The following GRIN2B variants were observed in gnomAD, a reference collection of about 807,000 sequenced individuals.
GRIN2B encodes glutamate receptor ionotropic, NMDA 2B.
In GRIN2B, 5 loss-of-function variants were observed where a neutral mutation model predicts 114.5. The ratio of observed to expected loss-of-function variants is 0.04; its 90% CI spans 0.02 to 0.09. The LOEUF (loss-of-function observed/expected upper bound fraction) is 0.09. GRIN2B is among the 10% of genes least tolerant of loss of function. The pLI, the probability that GRIN2B is intolerant of heterozygous loss-of-function variation, is 1.00. For missense variants in GRIN2B, 1,108 were observed against 1,943.5 expected, an observed-to-expected ratio of 0.57 and a Z score of 8.08; for synonymous variants, 787 against 745.1, an observed-to-expected ratio of 1.06 and a Z score of -0.92.
chr12:13,869,241 C>CTTTTTTTTTTTTT (rs377460231), intron 2 of GRIN2B, among the ~76,000 whole-genome samples: 4 of 127,366 alleles, frequency 3.1e-5, no homozygotes, highest in African/African-American at 6.0e-5. Context: ...CTTTTTTTTT[C>CTTTTTTTTTTTTT]TTTTTTTTTT....
chr12:13,943,428 A>G (rs1229032729), intron 2 of GRIN2B, among the ~76,000 whole-genome samples: 1 of 151,920 alleles, frequency 6.6e-6, no homozygotes, highest in Admixed American at 6.6e-5. Context: ...ATGATGTCAC[A>G]CTCCTACTCA....
rs1420230406 is a variant in GRIN2B, at chr12:13,825,497, TGTGTGTGTG to T, written c.411+40292_411+40300del. Among the ~76,000 whole-genome samples the T allele has an allele frequency of 4.2e-3, 11 of 2,626 alleles. No individual in the cohort carries two copies. The East Asian group carries it at 0.33, about 80-fold the overall frequency. 1.7% of individuals were successfully genotyped at this position (2,626 alleles called of 152,430 possible). On this transcript the variant is annotated intron_variant, in intron 3 of 13. Transcript: ENST00000609686. ...ATATATAATAAATATATATATATTT[TGTGTGTGTG>T]TGTGTGTGTGTGTGTGTGTGTGTGT...
chr12:13,938,397 A>G (rs1487503846), intron 2 of GRIN2B, among the ~76,000 whole-genome samples: 3 of 152,200 alleles, frequency 2.0e-5, no homozygotes, highest in African/African-American at 4.8e-5. Context: ...CTGCAACTAC[A>G]TGATCCAGCA....
At chr12:13,702,641 A>AG (rs1565506162) in intron 4 of GRIN2B, among the ~76,000 whole-genome samples, 3 of 152,192 alleles carry the variant, frequency 2.0e-5, no homozygotes, top group Non-Finnish European at 2.9e-5. Flanking sequence ...TCCATCCCTG[A>AG]GAGCCAGCTC....
intron 10 of GRIN2B, among the ~76,000 whole-genome samples, chr12:13,607,429 T>C (rs1209356467): frequency 1.2e-5 from 1 of 84,684 alleles, no homozygotes; most frequent in Non-Finnish European, 2.1e-5. Flanking sequence ...ATATATTATA[T>C]ATAATATATA....
rs1268346559 is a variant in GRIN2B at position 13,549,970 on chromosome 12, G to A, written c.*12813C>T. 6.6e-6 allele frequency: 1 copy of A among 152,072 alleles called. No homozygotes were observed. The highest frequency in any genetic ancestry group is 1.5e-5 in the Non-Finnish European group (1 of 68,000). The allele number at this position is 152,072 out of a possible 1,614,324, so 9.4% of individuals were successfully genotyped here. A position where few individuals can be genotyped will look rare whatever the true frequency, so the allele number is the denominator to read the frequency against. On this transcript the variant is annotated 3_prime_UTR_variant, in exon 14 of 14. Transcript: ENST00000609686. ...CTAGATGCTGAAAACCTACAGTGGG[G>A]GCAGACAATTCAGGCAGCATTACTC...
intron 5 of GRIN2B, among the ~76,000 whole-genome samples, chr12:13,666,041 A>T (rs1408470674): frequency 6.6e-6 from 1 of 152,208 alleles, no homozygotes; most frequent in Non-Finnish European, 1.5e-5. Context: ...ATCTGACAGC[A>T]AACGCTTGAG....
At chr12:13,713,827 AC>A (rs753168324) in intron 4 of GRIN2B, among the ~76,000 whole-genome samples, 3 of 151,810 alleles carry the variant, frequency 2.0e-5, no homozygotes, top group Non-Finnish European at 2.9e-5. Context: ...ATTATTACCA[AC>A]CACTTAGAGC....
chr12:13,541,062 C>G lies in GRIN2B; in HGVS notation c.*21721G>C, dbSNP rs1948273255. The G allele has an allele frequency of 6.6e-6, 1 of 152,290 alleles. No homozygotes were observed. Among genetic ancestry groups the G allele is most frequent in the Admixed American group, 6.5e-5 (1 of 15,288 alleles). The allele number at this position is 152,290 out of a possible 1,614,324, so 9.4% of individuals were successfully genotyped here. A position where few individuals can be genotyped will look rare whatever the true frequency, so the allele number is the denominator to read the frequency against. On this transcript the variant is annotated 3_prime_UTR_variant, in exon 14 of 14. Transcript: ENST00000609686. The stretch of plus-strand genomic sequence containing the variant: ...CATGTGCACAGGCACACACACGCAT[C>G]AGTCATTGTGGCTAAGTGTAATTCT...
chr12:13,586,693 G>A (rs910030495), intron 10 of GRIN2B, among the ~76,000 whole-genome samples: 6 of 152,172 alleles, frequency 3.9e-5, no homozygotes, highest in African/African-American at 1.2e-4. Context: ...ATACCTGCCC[G>A]ATTTAGATGG....
chr12:13,562,760 C>G lies in GRIN2B; in HGVS notation c.*23G>C. ...CCACAGCCTTACCCTCCCGTACCCACCTTAACCTCTCTGTTCCCTCACTCA... is the reference window on the plus strand; with the variant it reads ...CCACAGCCTTACCCTCCCGTACCCAGCTTAACCTCTCTGTTCCCTCACTCA... On this transcript the variant is annotated 3_prime_UTR_variant, in exon 14 of 14. Transcript: ENST00000609686. 8.7e-6 allele frequency: 14 copies of G among 1,605,036 alleles called. No individual in the cohort carries two copies. Among genetic ancestry groups the G allele is most frequent in the Non-Finnish European group, 1.1e-5 (13 of 1,171,710 alleles).
intron 3 of GRIN2B, among the ~76,000 whole-genome samples, chr12:13,764,088 C>G (rs1051910592): frequency 1.3e-5 from 2 of 151,728 alleles, no homozygotes; most frequent in Non-Finnish European, 2.9e-5. Flanking sequence ...CAGCTCCTAA[C>G]CTGATACAGG....
At chr12:13,863,024 C>T (rs1865773276) in intron 3 of GRIN2B, among the ~76,000 whole-genome samples, 1 of 152,210 alleles carries the variant, frequency 6.6e-6, no homozygotes, top group Non-Finnish European at 1.5e-5. Flanking sequence ...TTTAGAAAAG[C>T]ATCTAAAAGT....
intron 4 of GRIN2B, among the ~76,000 whole-genome samples, chr12:13,706,718 T>C (rs774798217): frequency 2.6e-5 from 4 of 152,124 alleles, no homozygotes; most frequent in Admixed American, 6.6e-5. Context: ...TCTCCTAAAC[T>C]GGAATGTCAG....
chr12:13,979,528 GAAAAA>G (rs201870750), intron 2 of GRIN2B, among the ~76,000 whole-genome samples: 3 of 101,818 alleles, frequency 2.9e-5, no homozygotes, highest in Admixed American at 1.1e-4. Flanking sequence ...AAGCCAACCT[GAAAAA>G]AAAAAAAAAA....
At chr12:13,761,800 G>A in intron 3 of GRIN2B, among the ~76,000 whole-genome samples, 1 of 152,078 alleles carries the variant, frequency 6.6e-6, no homozygotes, top group Non-Finnish European at 1.5e-5. Context: ...AAGAAGGCAG[G>A]AAAATAGGAA....
chr12:13,607,424 TTATATATAA>T (rs1949293996), intron 10 of GRIN2B, among the ~76,000 whole-genome samples: 1 of 76,388 alleles, frequency 1.3e-5, no homozygotes, highest in East Asian at 3.2e-4. Flanking sequence ...ATAATATATA[TTATATATAA>T]TATATATTAT....
At chr12:13,783,935 A>G (rs1864169321) in intron 3 of GRIN2B, among the ~76,000 whole-genome samples, 1 of 152,040 alleles carries the variant, frequency 6.6e-6, no homozygotes, top group African/African-American at 2.4e-5. Context: ...ATAAAAAAAC[A>G]TATCCCGGCC....
chr12:13,573,268 G>A (rs1438209847), intron 10 of GRIN2B, among the ~76,000 whole-genome samples: 6 of 148,898 alleles, frequency 4.0e-5, no homozygotes, highest in East Asian at 1.9e-4. Context: ...TGGCTAACAT[G>A]GTGAAACCCC....
Sources: allele counts gnomAD v4.1 joint callset (sites outside exome capture counted in the v4.1 genomes callset), GRCh38; gene constraint gnomAD v4.1.1; transcripts MANE v1.5; gene names NCBI Gene and HGNC (gene_info 2026-07-23, HGNC 2026-07-21).